Variants in IFTAP observed in about 807,000 individuals in gnomAD.
IFTAP encodes intraflagellar transport associated protein.
IFTAP carries 19 observed loss-of-function variants against 19.4 expected under a neutral mutation model. The observed-to-expected ratio is 0.98, with a 90% confidence interval of 0.68 to 1.44. IFTAP has a LOEUF of 1.44. Ranked by LOEUF, IFTAP falls within the 40% of genes most tolerant of loss-of-function variation. The pLI, the probability that IFTAP is intolerant of heterozygous loss-of-function variation, is 0.00. For missense variants in IFTAP, 240 were observed against 253.6 expected, an observed-to-expected ratio of 0.95 and a Z score of 0.36; for synonymous variants, 85 against 83.5, an observed-to-expected ratio of 1.02 and a Z score of -0.10.
intron 4 of IFTAP, among the ~76,000 whole-genome samples, chr11:36,637,470 A>G (rs1852999538): frequency 6.6e-6 from 1 of 152,126 alleles, no homozygotes; most frequent in Admixed American, 6.5e-5. Context: ...CTCCAGTTGG[A>G]TTAGAAGGGA....
chr11:36,613,749 A>G (rs570101509), intron 2 of IFTAP, among the ~76,000 whole-genome samples: 2 of 152,192 alleles, frequency 1.3e-5, no homozygotes, highest in South Asian at 4.1e-4. Flanking sequence ...GCTGAAACTG[A>G]AAGATGTTAA....
intron 1 of IFTAP, among the ~76,000 whole-genome samples, chr11:36,609,269 A>G (rs1009934844): frequency 2.0e-5 from 3 of 152,204 alleles, no homozygotes; most frequent in Non-Finnish European, 2.9e-5. Context: ...GAATGAAATG[A>G]GAAGATTGAC....
At chr11:36,607,084 A>G (rs1200323164) in intron 1 of IFTAP, among the ~76,000 whole-genome samples, 1 of 152,082 alleles carries the variant, frequency 6.6e-6, no homozygotes, top group African/African-American at 2.4e-5. Context: ...TTTAATTTTC[A>G]CTCAATCCTC....
At chr11:36,654,887 T>C (rs1026891056) in intron 5 of IFTAP, among the ~76,000 whole-genome samples, 1 of 152,178 alleles carries the variant, frequency 6.6e-6, no homozygotes, top group Non-Finnish European at 1.5e-5. Flanking sequence ...AGTACTCTTC[T>C]GGCTCCAGGC....
intron 2 of IFTAP, among the ~76,000 whole-genome samples, chr11:36,623,974 T>C (rs1207123485): frequency 6.6e-6 from 1 of 150,862 alleles, no homozygotes; most frequent in Non-Finnish European, 1.5e-5. Context: ...AAATTATATA[T>C]ATGTGTGTAT....
intron 2 of IFTAP, among the ~76,000 whole-genome samples, chr11:36,614,452 T>A (rs1851993599): frequency 6.7e-6 from 1 of 149,236 alleles, no homozygotes; most frequent in Non-Finnish European, 1.5e-5. Flanking sequence ...GATGGCTGGG[T>A]TAAATGGTAT....
At chr11:36,625,582 T>G (rs1852479851) in intron 2 of IFTAP, among the ~76,000 whole-genome samples, 1 of 152,252 alleles carries the variant, frequency 6.6e-6, no homozygotes, top group Non-Finnish European at 1.5e-5. Flanking sequence ...TTCTAATTTT[T>G]GGCTATTACA....
chr11:36,610,449 G>A (rs1851842075), intron 2 of IFTAP, among the ~76,000 whole-genome samples: 1 of 152,120 alleles, frequency 6.6e-6, no homozygotes, highest in Admixed American at 6.6e-5. Context: ...TTGTGTGATG[G>A]TGTCAGAACC....
Position 36,635,827 on chromosome 11 carries a change from G to A in IFTAP, c.292-224G>A, listed in dbSNP as rs546469601. On this transcript the variant is annotated intron_variant, in intron 3 of 5. Coordinates refer to ENST00000334307, the MANE Select transcript of IFTAP (RefSeq NM_138787.4). ...CCTTTCAGTGCAGAGGCCTGACTAT[G>A]GTGCCTACAAAATCCAGGCCAGCTT... 2.0e-5 allele frequency among the ~76,000 whole-genome samples: 3 copies of A among 152,228 alleles called. No homozygotes were observed. The East Asian group carries it at 5.8e-4, about 29-fold the overall frequency.
chr11:36,616,363 T>G lies in IFTAP; in HGVS notation c.136+6124T>G, dbSNP rs1852090256. 2.0e-5 allele frequency among the ~76,000 whole-genome samples: 3 copies of G among 152,040 alleles called. No individual in the cohort carries two copies. The South Asian group carries it at 6.2e-4, about 31-fold the overall frequency. On this transcript the variant is annotated intron_variant, in intron 2 of 5. Coordinates refer to ENST00000334307, the MANE Select transcript of IFTAP (RefSeq NM_138787.4). ...CATTTCACTTGCAATGCTTTGTGCT[T>G]TTAGCATTTTATTGTTCTTTTAACA... is the stretch of plus-strand genomic sequence containing the variant.
In IFTAP at chr11:36,648,341, C is replaced by A. The variant is rs1392451754; in HGVS notation, c.498+186C>A. 19 of 701,522 alleles carry A rather than the reference C, an allele frequency of 2.7e-5. No homozygotes were observed. The Middle Eastern group carries it at 8.8e-4, about 32-fold the overall frequency. The allele number at this position is 701,522 out of a possible 1,614,324, so 43.5% of individuals were successfully genotyped here. On this transcript the variant is annotated intron_variant, in intron 5 of 5. Transcript: ENST00000334307. ...TACATTTCTTTTTAAACACATAGAGCAATTATGTTTTTATGTGGAAACCAT... is the reference window on the plus strand; with the variant it reads ...TACATTTCTTTTTAAACACATAGAGAAATTATGTTTTTATGTGGAAACCAT...
chr11:36,596,222 GTT>G (rs67282079), intron 1 of IFTAP, among the ~76,000 whole-genome samples: 13 of 118,354 alleles, frequency 1.1e-4, no homozygotes, highest in South Asian at 8.4e-4. Context: ...TTTTTTTTTT[GTT>G]TTTTTTTTTT....
intron 1 of IFTAP, among the ~76,000 whole-genome samples, chr11:36,604,043 A>G (rs1308940984): frequency 2.0e-5 from 3 of 152,162 alleles, no homozygotes; most frequent in African/African-American, 7.2e-5. Context: ...CATTTTAAAA[A>G]TTATATGCAG....
At chr11:36,643,815 AT>A (rs1176746844) in intron 4 of IFTAP, among the ~76,000 whole-genome samples, 2 of 152,212 alleles carry the variant, frequency 1.3e-5, no homozygotes, top group African/African-American at 4.8e-5. Context: ...CTGAAACTGG[AT>A]CCCTTCCTTA....
At chr11:36,654,742 C>T (rs1224191538) in intron 5 of IFTAP, among the ~76,000 whole-genome samples, 1 of 152,118 alleles carries the variant, frequency 6.6e-6, no homozygotes, top group Non-Finnish European at 1.5e-5. Flanking sequence ...TTTCTGCATT[C>T]TTCCTTTTTT....
At chr11:36,599,142 C>T (rs951763124) in intron 1 of IFTAP, among the ~76,000 whole-genome samples, 2 of 152,092 alleles carry the variant, frequency 1.3e-5, no homozygotes, top group African/African-American at 2.4e-5. Context: ...TACAGGCACA[C>T]GCCACCACAC....
chr11:36,600,052 A>G (rs953072074), intron 1 of IFTAP, among the ~76,000 whole-genome samples: 7 of 152,342 alleles, frequency 4.6e-5, no homozygotes, highest in African/African-American at 1.7e-4. Context: ...AAGACTAGAA[A>G]TTAGTAGCAC....
intron 1 of IFTAP, among the ~76,000 whole-genome samples, chr11:36,606,304 C>CA (rs895533050): frequency 8.6e-5 from 13 of 151,092 alleles, no homozygotes; most frequent in East Asian, 1.9e-4. Context: ...ACTAAAAATA[C>CA]AAAAAAAAAT....
At chr11:36,639,711 G>A (rs1498341) in intron 4 of IFTAP, among the ~76,000 whole-genome samples, 22,474 of 152,012 alleles carry the variant, frequency 0.15, 2,682 homozygotes, top group African/African-American at 0.33. Context: ...GCACCAAGCC[G>A]TTCCTGAGGG....
Sources: gnomAD v4.1 joint callset for allele counts (sites outside exome capture counted in the v4.1 genomes callset) on GRCh38, gnomAD v4.1.1 for gene constraint, MANE v1.5 for transcripts, NCBI Gene and HGNC (gene_info 2026-07-23, HGNC 2026-07-21) for gene names.